Variants in SPATS2L observed in about 807,000 individuals in gnomAD.
SPATS2L encodes SPATS2-like protein.
In SPATS2L, 30 loss-of-function variants were observed where a neutral mutation model predicts 59.6. That is an observed-to-expected ratio of 0.50 (90% CI 0.38 to 0.68). The LOEUF (loss-of-function observed/expected upper bound fraction) is 0.68. SPATS2L is among the 30% of genes least tolerant of loss of function. The pLI is 0.00. For missense variants in SPATS2L, 615 were observed against 700.0 expected (o/e 0.88, Z 1.37); for synonymous variants, 252 against 263.5 (o/e 0.96, Z 0.42).
chr2:200,381,236 G>A (rs2081800822), intron 2 of SPATS2L, among the ~76,000 whole-genome samples: 1 of 152,150 alleles, frequency 6.6e-6, no homozygotes, highest in African/African-American at 2.4e-5. Context: ...GTTAGTCTCT[G>A]GTTTAAAAGT....
In SPATS2L at chr2:200,369,365, G is replaced by A. The variant is rs1003470566; in HGVS notation, c.-22-19858G>A. On this transcript the variant is annotated intron_variant, in intron 2 of 12. Coordinates refer to ENST00000409140, the MANE Select transcript of SPATS2L (RefSeq NM_001100423.2). ...GTAGAAACAGGGTTTCATCATGTTG[G>A]CCAAGCTGGTCTTGAACTCCTGACC... Among the ~76,000 whole-genome samples, 3 of 152,014 alleles carry A rather than the reference G, an allele frequency of 2.0e-5. No individual in the cohort carries two copies. In the South Asian group the frequency reaches 6.2e-4, roughly 32 times the overall value.
intron 1 of SPATS2L, among the ~76,000 whole-genome samples, chr2:200,307,810 C>T (rs895239902): frequency 6.6e-6 from 1 of 152,258 alleles, no homozygotes; most frequent in African/African-American, 2.4e-5. Context: ...TCTCATCCCC[C>T]CCGCAATCCT....
intron 1 of SPATS2L, chr2:200,309,182 GT>G (rs2079120002): frequency 1.4e-6 from 1 of 715,968 alleles, no homozygotes; most frequent in African/African-American, 1.7e-5. Context: ...TGCGATCAGA[GT>G]TGTGTTATCA....
intron 2 of SPATS2L, among the ~76,000 whole-genome samples, chr2:200,335,461 G>A (rs539739311): frequency 1.1e-3 from 162 of 152,262 alleles, no homozygotes; most frequent in African/African-American, 3.8e-3. Context: ...GCTTCCAAGG[G>A]TGCTGGCAAT....
chr2:200,340,263 G>A (rs1057116346), intron 2 of SPATS2L, among the ~76,000 whole-genome samples: 1 of 152,172 alleles, frequency 6.6e-6, no homozygotes, highest in Non-Finnish European at 1.5e-5. Flanking sequence ...CTGCTTTGAT[G>A]TCTTCTTATG....
intron 9 of SPATS2L, chr2:200,461,387 C>G (rs1348888480): frequency 1.3e-5 from 2 of 152,138 alleles, no homozygotes; most frequent in African/African-American, 4.8e-5. Context: ...AACCTTTCCA[C>G]TGTGGTAAAG....
At chr2:200,310,550 T>G (rs2079160207) in intron 1 of SPATS2L, among the ~76,000 whole-genome samples, 2 of 152,214 alleles carry the variant, frequency 1.3e-5, no homozygotes, top group African/African-American at 4.8e-5. Flanking sequence ...CCTAAAACTC[T>G]TCCCTCAAAA....
At chr2:200,455,271 T>A (rs1460878060) in intron 8 of SPATS2L, among the ~76,000 whole-genome samples, 1 of 152,194 alleles carries the variant, frequency 6.6e-6, no homozygotes, top group Admixed American at 6.5e-5. Context: ...CAGAAGTTTT[T>A]AAAAACTTAG....
intron 2 of SPATS2L, among the ~76,000 whole-genome samples, chr2:200,377,001 C>T (rs927945646): frequency 2.6e-5 from 4 of 152,232 alleles, no homozygotes; most frequent in Non-Finnish European, 5.9e-5. Context: ...AGATTCTCAC[C>T]TGTAAAATGA....
chr2:200,458,866 T>C (rs2086043768), intron 8 of SPATS2L, among the ~76,000 whole-genome samples: 1 of 152,200 alleles, frequency 6.6e-6, no homozygotes, highest in Non-Finnish European at 1.5e-5. Context: ...CCTTATGTTT[T>C]AAAGATATAT....
At chr2:200,331,624 A>T (rs1300086883) in intron 2 of SPATS2L, among the ~76,000 whole-genome samples, 2 of 152,200 alleles carry the variant, frequency 1.3e-5, no homozygotes, top group Non-Finnish European at 2.9e-5. Flanking sequence ...CAGCAGTGGG[A>T]CCTTGGTCAA....
intron 3 of SPATS2L, among the ~76,000 whole-genome samples, chr2:200,401,128 C>T (rs2082513695): frequency 2.0e-5 from 3 of 152,104 alleles, no homozygotes; most frequent in Non-Finnish European, 4.4e-5. Context: ...TCTGACTGTT[C>T]CACCATGCTT....
chr2:200,326,507 C>T (rs979292644), intron 1 of SPATS2L, among the ~76,000 whole-genome samples: 3 of 152,104 alleles, frequency 2.0e-5, no homozygotes, highest in African/African-American at 7.2e-5. Context: ...AGCATTTTTC[C>T]TCAAAGTTGT....
At chr2:200,339,498 T>C (rs548766025) in intron 2 of SPATS2L, among the ~76,000 whole-genome samples, 1 of 152,356 alleles carries the variant, frequency 6.6e-6, no homozygotes, top group East Asian at 1.9e-4. Context: ...AGTATTGAAA[T>C]GTTTACACCT....
At chr2:200,428,361 C>T (rs915614897) in intron 6 of SPATS2L, among the ~76,000 whole-genome samples, 4 of 152,182 alleles carry the variant, frequency 2.6e-5, no homozygotes, top group East Asian at 1.9e-4. Context: ...TTAACTCTAT[C>T]GTTTCCCTGT....
intron 10 of SPATS2L, among the ~76,000 whole-genome samples, chr2:200,467,768 C>G (rs761750410): frequency 6.6e-6 from 1 of 152,134 alleles, no homozygotes; most frequent in East Asian, 1.9e-4. Context: ...TATACACACA[C>G]GAAGCATGAA....
intron 3 of SPATS2L, among the ~76,000 whole-genome samples, chr2:200,396,202 C>A (rs193208040): frequency 2.0e-5 from 3 of 151,138 alleles, no homozygotes; most frequent in Non-Finnish European, 4.4e-5. Flanking sequence ...CTAGACAATA[C>A]GATGATATGG....
rs1395524238 is a variant in SPATS2L at position 200,419,270 on chromosome 2, C to T, written c.219C>T (p.Ser73=). The T allele has an allele frequency of 6.3e-7, 1 of 1,579,618 alleles. No homozygotes were observed. The highest frequency in any genetic ancestry group is 2.3e-5 in the East Asian group (1 of 43,408). ...TCTAGAACAATAAAAGAAAAAGAAG[C>T]AAGTCCAAGCAGCATCAAGGCAACA... ...GKKKNNKRKR[S]KSKQHQGNKD... The change falls in exon 6 of 13, where the codon AGC becomes AGT. Residue 73 remains serine, a synonymous_variant. Coordinates refer to ENST00000409140, the MANE Select transcript of SPATS2L (RefSeq NM_001100423.2).
intron 8 of SPATS2L, among the ~76,000 whole-genome samples, chr2:200,441,550 G>C (rs1450181513): frequency 1.3e-5 from 2 of 152,102 alleles, no homozygotes; most frequent in East Asian, 3.8e-4. Context: ...TCCTCATTAT[G>C]TTATCAGGAC....
Sources: allele counts gnomAD v4.1 joint callset (sites outside exome capture counted in the v4.1 genomes callset), GRCh38; gene constraint gnomAD v4.1.1; transcripts MANE v1.5; gene names NCBI Gene and HGNC (gene_info 2026-07-23, HGNC 2026-07-21).